The following PACRG variants were observed in gnomAD, a reference collection of about 807,000 sequenced individuals.
PACRG encodes the protein parkin coregulated, also known as parkin coregulated gene protein.
Under a neutral mutation model 29.7 loss-of-function variants are expected in PACRG, and 29 were observed. The ratio of observed to expected loss-of-function variants is 0.98; its 90% CI spans 0.73 to 1.33. The LOEUF (loss-of-function observed/expected upper bound fraction) is 1.33. PACRG is among the 40% of genes most tolerant of loss of function. The pLI is 0.00. For synonymous variants in PACRG, 116 were observed against 118.7 expected (o/e 0.98, Z 0.15); for missense variants, 279 against 316.2 (o/e 0.88, Z 0.89).
intron 2 of PACRG, among the ~76,000 whole-genome samples, chr6:163,016,764 A>T (rs908471891): frequency 6.6e-6 from 1 of 152,094 alleles, no homozygotes; most frequent in Non-Finnish European, 1.5e-5. Context: ...GTAGTTATTC[A>T]GTTTGATTTC....
At chr6:162,974,994 G>C (rs541868495) in intron 2 of PACRG, among the ~76,000 whole-genome samples, 1 of 152,282 alleles carries the variant, frequency 6.6e-6, no homozygotes, top group African/African-American at 2.4e-5. Flanking sequence ...AGATCTGACT[G>C]TGGTACTCCA....
chr6:163,036,848 C>A (rs913265057), intron 2 of PACRG, among the ~76,000 whole-genome samples: 3 of 145,946 alleles, frequency 2.1e-5, no homozygotes, highest in African/African-American at 7.5e-5. Context: ...ATCCACCTAT[C>A]CATCCAGCTA....
At chr6:163,119,738 A>T (rs1816181528) in intron 4 of PACRG, among the ~76,000 whole-genome samples, 1 of 152,214 alleles carries the variant, frequency 6.6e-6, no homozygotes. Context: ...GTAACATCTT[A>T]ATAGTGAGAA....
chr6:163,106,295 T>G (rs937470184), intron 4 of PACRG, among the ~76,000 whole-genome samples: 1 of 152,206 alleles, frequency 6.6e-6, no homozygotes, highest in Admixed American at 6.5e-5. Flanking sequence ...AATGGGGTAT[T>G]TAATTACACT....
intron 4 of PACRG, among the ~76,000 whole-genome samples, chr6:163,142,606 G>T (rs1265318747): frequency 1.3e-5 from 2 of 152,144 alleles, no homozygotes; most frequent in Non-Finnish European, 2.9e-5. Context: ...GAAGAAGAAG[G>T]TAGGATAACT....
At chr6:163,137,241 A>C (rs1292684169) in intron 4 of PACRG, among the ~76,000 whole-genome samples, 2 of 152,092 alleles carry the variant, frequency 1.3e-5, no homozygotes, top group African/African-American at 2.4e-5. Context: ...ATTCTTTCCA[A>C]TGTCACACAG....
intron 2 of PACRG, among the ~76,000 whole-genome samples, chr6:162,940,524 C>G (rs1798542958): frequency 1.3e-5 from 2 of 152,162 alleles, no homozygotes; most frequent in African/African-American, 4.8e-5. Flanking sequence ...TCTGTCCTCT[C>G]TATTTGAGTC....
At chr6:162,980,152 A>G (rs1458006640) in intron 2 of PACRG, among the ~76,000 whole-genome samples, 3 of 146,398 alleles carry the variant, frequency 2.0e-5, no homozygotes, top group Non-Finnish European at 3.0e-5. Context: ...TCTCATCACA[A>G]TTATGTGAAA....
In PACRG at chr6:163,311,188, A is replaced by G. The variant is rs926537782; in HGVS notation, c.614-3639A>G. ...CTCCTGCATGGAGGGATCTCCAAGA[A>G]CAGAAACTAAATCCCTCGTTCTCCT... On this transcript the variant is annotated intron_variant, in intron 4 of 4. Transcript: ENST00000366888. 3.6e-4 allele frequency among the ~76,000 whole-genome samples: 55 copies of G among 152,352 alleles called. 1 individual carries two copies. The highest frequency in any genetic ancestry group is 1.2e-3 in the African/African-American group (48 of 41,582).
chr6:162,788,688 C>G (rs761567223), intron 1 of PACRG, among the ~76,000 whole-genome samples: 1 of 152,108 alleles, frequency 6.6e-6, no homozygotes, highest in Non-Finnish European at 1.5e-5. Context: ...TGTTAGTGTT[C>G]TGAATTTTGG....
At chr6:163,087,172 A>G (rs1813640118) in intron 3 of PACRG, among the ~76,000 whole-genome samples, 2 of 152,194 alleles carry the variant, frequency 1.3e-5, no homozygotes, top group Non-Finnish European at 2.9e-5. Context: ...CCAGAGGAGT[A>G]GCAATAAGAA....
At chr6:163,180,406 T>C (rs879272536) in intron 4 of PACRG, among the ~76,000 whole-genome samples, 5 of 152,210 alleles carry the variant, frequency 3.3e-5, no homozygotes, top group Non-Finnish European at 5.9e-5. Flanking sequence ...TGAGTTTGCA[T>C]AGGTTGTTAC....
At chr6:163,048,535 C>T (rs1009741990) in intron 2 of PACRG, among the ~76,000 whole-genome samples, 8 of 152,040 alleles carry the variant, frequency 5.3e-5, no homozygotes, top group Admixed American at 1.3e-4. Context: ...AAGGTTATGT[C>T]GGCCTCGGTG....
intron 2 of PACRG, among the ~76,000 whole-genome samples, chr6:162,881,449 C>G (rs558891798): frequency 1.3e-5 from 2 of 152,128 alleles, no homozygotes; most frequent in Non-Finnish European, 2.9e-5. Context: ...TGTCAATGCT[C>G]CAGCAACTAC....
intron 4 of PACRG, among the ~76,000 whole-genome samples, chr6:163,227,448 C>T (rs917330454): frequency 3.3e-5 from 5 of 152,116 alleles, no homozygotes; most frequent in Non-Finnish European, 7.3e-5. Flanking sequence ...CATTTGAGCG[C>T]GATCAGATAT....
intron 4 of PACRG, among the ~76,000 whole-genome samples, chr6:163,218,238 G>T (rs1234654950): frequency 6.6e-6 from 1 of 152,030 alleles, no homozygotes; most frequent in East Asian, 1.9e-4. Flanking sequence ...TTCCCTCCTC[G>T]TATGATGGAT....
chr6:163,210,773 C>CT (rs1781103714), intron 4 of PACRG, among the ~76,000 whole-genome samples: 1 of 152,162 alleles, frequency 6.6e-6, no homozygotes, highest in African/African-American at 2.4e-5. Context: ...GGAAAACTCT[C>CT]TTCAGTTCAA....
intron 4 of PACRG, among the ~76,000 whole-genome samples, chr6:163,186,195 A>G (rs983444365): frequency 9.2e-5 from 14 of 152,054 alleles, no homozygotes; most frequent in African/African-American, 3.1e-4. Flanking sequence ...AGGCTTTCAG[A>G]TTTCCCCCTT....
chr6:162,924,059 T>A lies in PACRG; in HGVS notation c.291+109778T>A, dbSNP rs181674250. Reference sequence around the variant, plus strand: ...TTGGGGGAGTGGGGTCTTCTTCAATTTCTTCCGCCAGTATTTTGTAGTTTT... The same window carrying A: ...TTGGGGGAGTGGGGTCTTCTTCAATATCTTCCGCCAGTATTTTGTAGTTTT... On this transcript the variant is annotated intron_variant, in intron 2 of 4. Coordinates refer to ENST00000366888, the MANE Select transcript of PACRG (RefSeq NM_001080379.2). 2.9e-3 allele frequency among the ~76,000 whole-genome samples: 448 copies of A among 152,182 alleles called. 1 individual carries two copies. Among genetic ancestry groups the A allele is most frequent in the African/African-American group, 0.01 (433 of 41,552 alleles).
Sources: gnomAD v4.1 joint callset for allele counts (sites outside exome capture counted in the v4.1 genomes callset) on GRCh38, gnomAD v4.1.1 for gene constraint, MANE v1.5 for transcripts, NCBI Gene and HGNC (gene_info 2026-07-23, HGNC 2026-07-21) for gene names.